CRY2: variants seen among roughly 807,000 people sequenced by gnomAD.
The protein encoded by CRY2 is cryptochrome-2.
CRY2 carries 31 observed loss-of-function variants against 69.5 expected under a neutral mutation model. The ratio of observed to expected loss-of-function variants is 0.45; its 90% CI spans 0.34 to 0.60. CRY2 has a LOEUF of 0.60. Ranked by LOEUF, CRY2 falls within the 20% of genes least tolerant of loss-of-function variation. The pLI is 0.02. For missense variants in CRY2, 606 were observed against 797.8 expected (o/e 0.76, Z 2.90); for synonymous variants, 303 against 312.2 (o/e 0.97, Z 0.31).
At chr11:45,878,214 A>G (rs1223079584) in intron 11 of CRY2, among the ~76,000 whole-genome samples, 1 of 152,228 alleles carries the variant, frequency 6.6e-6, no homozygotes, top group African/African-American at 2.4e-5. Flanking sequence ...GAATGTGCAC[A>G]TCACTCCAGA....
Position 45,882,814 on chromosome 11 carries a change from G to A in CRY2, c.*1903G>A, listed in dbSNP as rs147353355. ...CCCAGATTTAGTATTCACTAGCAGC[G>A]CCTTCGGGTAGCAGGATGATTCCTT... On this transcript the variant is annotated 3_prime_UTR_variant, in exon 12 of 12. Coordinates refer to ENST00000616080, the MANE Select transcript of CRY2 (RefSeq NM_021117.5). 6.3e-5 allele frequency: 25 copies of A among 398,310 alleles called. No homozygotes were observed. Among genetic ancestry groups the A allele is most frequent in the African/African-American group, 2.9e-4 (14 of 48,770 alleles). 24.7% of individuals were successfully genotyped at this position (398,310 alleles called of 1,614,324 possible).
chr11:45,872,281 G>T (rs188426374), intron 11 of CRY2, 48 bp downstream of exon 11: 75 of 1,555,978 alleles, frequency 4.8e-5, no homozygotes, highest in East Asian at 1.6e-4. Flanking sequence ...AGTTGGGAGT[G>T]GGGGGGCCTA....
chr11:45,848,704 T>G (rs2086171617), intron 1 of CRY2, among the ~76,000 whole-genome samples: 1 of 152,186 alleles, frequency 6.6e-6, no homozygotes, highest in African/African-American at 2.4e-5. Flanking sequence ...GTCGCTCGGT[T>G]TGTTTGCATT....
At chr11:45,856,380 A>G (rs1476159974) in intron 2 of CRY2, 14 of 323,144 alleles carry the variant, frequency 4.3e-5, no homozygotes, top group Middle Eastern at 8.7e-4. Context: ...GCTTCCTTCA[A>G]TGTTTTCTTG....
intron 4 of CRY2, 124 bp downstream of exon 4, chr11:45,861,156 G>C: frequency 9.2e-7 from 1 of 1,086,570 alleles, no homozygotes. Flanking sequence ...AAATGGAAAT[G>C]GCAGTCACTA....
intron 11 of CRY2, among the ~76,000 whole-genome samples, chr11:45,878,313 T>C (rs2086439654): frequency 6.6e-6 from 1 of 152,186 alleles, no homozygotes; most frequent in Non-Finnish European, 1.5e-5. Context: ...GGAATCTTCA[T>C]GCACTCTTTA....
intron 1 of CRY2, 43 bp downstream of exon 1, chr11:45,847,748 C>A: frequency 1.3e-6 from 2 of 1,515,980 alleles, no homozygotes; most frequent in Non-Finnish European, 1.8e-6. Context: ...CAGCCAGGAC[C>A]CTGACCCTGG....
At position 45,870,207 on chromosome 11, in the gene CRY2, G is replaced by A. The variant is rs2086366349; in HGVS notation, c.1346+3G>A. 1 of 1,611,470 alleles carries A rather than the reference G, an allele frequency of 6.2e-7. No homozygotes were observed. On this transcript the variant is annotated splice_donor_region_variant and intron_variant, in intron 8 of 11. Transcript: ENST00000616080. Reference sequence around the variant, plus strand: ...GACCCCAGTGGGGACTACATCAGGTGAGGATACAGACCAGGCTCTCTGGCC... The same window carrying A: ...GACCCCAGTGGGGACTACATCAGGTAAGGATACAGACCAGGCTCTCTGGCC...
rs2086487270 is a variant in CRY2, at chr11:45,882,877, A to G, written c.*1966A>G. On this transcript the variant is annotated 3_prime_UTR_variant, in exon 12 of 12. Coordinates refer to ENST00000616080, the MANE Select transcript of CRY2 (RefSeq NM_021117.5). The stretch of plus-strand genomic sequence containing the variant: ...TGCTGCTGGCTCTCTTCCCTAAGGT[A>G]CAGGTTGGCAGGACCACCTCCGCCT... 1 of 396,618 alleles carries G rather than the reference A, an allele frequency of 2.5e-6. No homozygotes were observed. The highest frequency in any genetic ancestry group is 4.4e-6 in the Non-Finnish European group (1 of 225,330). 24.6% of individuals were successfully genotyped at this position (396,618 alleles called of 1,614,324 possible).
intron 6 of CRY2, 157 bp downstream of exon 6, chr11:45,867,909 A>G (rs984624643): frequency 7.5e-6 from 7 of 936,996 alleles, no homozygotes; most frequent in Non-Finnish European, 1.1e-5. Context: ...AGGAGAGAAG[A>G]CTCAATATCC....
chr11:45,878,469 CAG>C (rs753110724), intron 11 of CRY2, among the ~76,000 whole-genome samples: 5 of 152,108 alleles, frequency 3.3e-5, no homozygotes, highest in Non-Finnish European at 5.9e-5. Context: ...CAACAGGGGC[CAG>C]AGAGAGCCCT....
intron 1 of CRY2, 51 bp from the exon 2 acceptor site, chr11:45,855,931 G>C (rs1250679601): frequency 2.8e-6 from 4 of 1,450,014 alleles, no homozygotes; most frequent in Admixed American, 1.7e-5. Context: ...TTAGGAAAGA[G>C]AGCCACTCTT....
chr11:45,863,247 C>T (rs1256126058), intron 5 of CRY2, among the ~76,000 whole-genome samples: 1 of 152,138 alleles, frequency 6.6e-6, no homozygotes, highest in African/African-American at 2.4e-5. Context: ...AAAGGTTGGG[C>T]CAAGGGGCAG....
At chr11:45,858,024 C>A (rs1027438613) in intron 2 of CRY2, among the ~76,000 whole-genome samples, 1 of 152,178 alleles carries the variant, frequency 6.6e-6, no homozygotes, top group African/African-American at 2.4e-5. Flanking sequence ...TGCTCTAGGG[C>A]TTTCTGTGGG....
chr11:45,879,542 G>A (rs762688014), intron 11 of CRY2, among the ~76,000 whole-genome samples: 32 of 152,178 alleles, frequency 2.1e-4, no homozygotes, highest in East Asian at 3.8e-4. Context: ...CAATACTATC[G>A]TATAGAGATT....
chr11:45,872,306 G>A, intron 11 of CRY2, 73 bp downstream of exon 11: 1 of 1,412,174 alleles, frequency 7.1e-7, no homozygotes, highest in Admixed American at 1.7e-5. Context: ...CCTGCCAGCT[G>A]CAGGTTGAAA....
chr11:45,868,964 C>T (rs1387741112), intron 6 of CRY2, among the ~76,000 whole-genome samples: 1 of 152,124 alleles, frequency 6.6e-6, no homozygotes, highest in Non-Finnish European at 1.5e-5. Flanking sequence ...CTCATCCTTG[C>T]CATTATTGAG....
In CRY2 at chr11:45,847,656, C is replaced by G; in HGVS notation, c.166C>G (p.Leu56Val). 1.3e-6 allele frequency: 2 copies of G among 1,595,784 alleles called. No individual in the cohort carries two copies. The highest frequency in any genetic ancestry group is 1.3e-5 in the African/African-American group (1 of 74,744). ...GCGCTGCGTGCGCTGCGTTTACATT[C>G]TCGACCCGTGGTTCGCGGCCTCCTC... ...GARCVRCVYI[L>V]DPWFAASSSV... Residue 56 changes from leucine to valine, a missense_variant, in exon 1 of 12, where the codon CTC (leucine) becomes GTC (valine). Physicochemically the swap from Leu to Val is conservative, Grantham distance 32. Around this residue, in one of 5 missense-constraint regions of CRY2, gnomAD observed 382 missense variants for 508.9 expected, o/e 0.75. Coordinates refer to ENST00000616080, the MANE Select transcript of CRY2 (RefSeq NM_021117.5).
At chr11:45,862,394 A>G (rs1158349127) in intron 5 of CRY2, among the ~76,000 whole-genome samples, 1 of 146,224 alleles carries the variant, frequency 6.8e-6, no homozygotes, top group Non-Finnish European at 1.5e-5. Context: ...ATTTCTTTTA[A>G]TCTTTCCAAT....
Sources: gnomAD v4.1 joint callset for allele counts (sites outside exome capture counted in the v4.1 genomes callset) on GRCh38, gnomAD v4.1.1 for gene constraint, gnomAD v4.1.1 regional missense constraint, MANE v1.5 for transcripts, NCBI Gene and HGNC (gene_info 2026-07-23, HGNC 2026-07-21) for gene names.